The following JAZF1 variants were observed in gnomAD, a reference collection of about 807,000 sequenced individuals.
JAZF1 encodes the protein juxtaposed with another zinc finger protein 1.
JAZF1 carries 8 observed loss-of-function variants against 26.4 expected under a neutral mutation model. The ratio of observed to expected loss-of-function variants is 0.30; its 90% CI spans 0.18 to 0.55. JAZF1 has a LOEUF of 0.55. Ranked by LOEUF, JAZF1 falls within the 20% of genes least tolerant of loss-of-function variation. The probability of loss-of-function intolerance (pLI) is 0.94; values close to 1 mark genes in which losing one functional copy is unlikely to be tolerated. For synonymous variants in JAZF1, 126 were observed against 122.3 expected (o/e 1.03, Z -0.20); for missense variants, 199 against 322.0 (o/e 0.62, Z 2.92).
At chr7:27,858,390 T>C (rs1783310559) in intron 3 of JAZF1, among the ~76,000 whole-genome samples, 1 of 152,170 alleles carries the variant, frequency 6.6e-6, no homozygotes, top group Non-Finnish European at 1.5e-5. Context: ...ACTTTAAATT[T>C]CATATGGAAC....
At chr7:27,855,811 T>G (rs920934602) in intron 3 of JAZF1, among the ~76,000 whole-genome samples, 2 of 152,182 alleles carry the variant, frequency 1.3e-5, no homozygotes, top group Non-Finnish European at 2.9e-5. Flanking sequence ...CCATTCCTTC[T>G]GAAATGATTC....
At chr7:27,987,603 G>A (rs548200370) in intron 2 of JAZF1, among the ~76,000 whole-genome samples, 5 of 151,730 alleles carry the variant, frequency 3.3e-5, no homozygotes, top group South Asian at 2.1e-4. Flanking sequence ...CGCCCCGTCC[G>A]GGAGGGAGAT....
intron 2 of JAZF1, among the ~76,000 whole-genome samples, chr7:27,982,159 C>A (rs1476587797): frequency 2.6e-5 from 4 of 152,226 alleles, no homozygotes; most frequent in Non-Finnish European, 5.9e-5. Flanking sequence ...GGCATCACCG[C>A]ACCCAGGAAG....
chr7:27,913,373 A>G, intron 2 of JAZF1: 1 of 459,486 alleles, frequency 2.2e-6, no homozygotes, highest in Non-Finnish European at 4.5e-6. Context: ...AAAACAACAA[A>G]AGAACCAGAA....
At chr7:28,129,894 G>A (rs138214084) in intron 1 of JAZF1, among the ~76,000 whole-genome samples, 2 of 152,124 alleles carry the variant, frequency 1.3e-5, no homozygotes, top group African/African-American at 4.8e-5. Context: ...TGCAGTTACT[G>A]TGTTATGTGT....
At chr7:28,179,969 G>T (rs866696123) in intron 1 of JAZF1, among the ~76,000 whole-genome samples, 1 of 115,980 alleles carries the variant, frequency 8.6e-6, no homozygotes, top group African/African-American at 3.2e-5. Flanking sequence ...CTGACAGCTC[G>T]AGCCGGGGCG....
chr7:28,013,182 G>C (rs1320249355), intron 1 of JAZF1, among the ~76,000 whole-genome samples: 1 of 152,166 alleles, frequency 6.6e-6, no homozygotes, highest in Non-Finnish European at 1.5e-5. Flanking sequence ...ACTCTCATGT[G>C]CAGTCAGGGC....
chr7:27,994,547 A>G (rs1220853136), intron 1 of JAZF1, among the ~76,000 whole-genome samples: 1 of 152,174 alleles, frequency 6.6e-6, no homozygotes. Flanking sequence ...CTGGTAACCA[A>G]CAAGACAGCA....
chr7:28,015,883 C>T (rs949456462), intron 1 of JAZF1, among the ~76,000 whole-genome samples: 2 of 152,154 alleles, frequency 1.3e-5, no homozygotes, highest in African/African-American at 4.8e-5. Flanking sequence ...TGGAGATGCT[C>T]TAGGTCCCCC....
At chr7:28,168,742 T>A (rs1468878310) in intron 1 of JAZF1, among the ~76,000 whole-genome samples, 2 of 152,164 alleles carry the variant, frequency 1.3e-5, no homozygotes, top group Non-Finnish European at 2.9e-5. Context: ...CTGCCTCCAG[T>A]AAAACTAAAA....
chr7:27,907,733 T>C (rs1784287571), intron 2 of JAZF1, among the ~76,000 whole-genome samples: 1 of 152,160 alleles, frequency 6.6e-6, no homozygotes, highest in Non-Finnish European at 1.5e-5. Flanking sequence ...AGATTCTCAA[T>C]GTGAGAGGAG....
intron 2 of JAZF1, among the ~76,000 whole-genome samples, chr7:27,933,215 A>G (rs992688700): frequency 2.6e-5 from 4 of 152,264 alleles, no homozygotes; most frequent in East Asian, 1.9e-4. Context: ...CATTCAATCT[A>G]TATTCTAAAT....
chr7:27,858,323 T>C (rs531476013), intron 3 of JAZF1, among the ~76,000 whole-genome samples: 3 of 152,318 alleles, frequency 2.0e-5, no homozygotes, highest in Admixed American at 6.5e-5. Context: ...AATTTACAGA[T>C]TCAATGCTAT....
chr7:28,003,505 A>C (rs1782642190), intron 1 of JAZF1, among the ~76,000 whole-genome samples: 1 of 152,236 alleles, frequency 6.6e-6, no homozygotes, highest in Admixed American at 6.5e-5. Context: ...GTAACCTTTG[A>C]AGCTGTCAGG....
chr7:28,040,348 A>G (rs774806115), intron 1 of JAZF1, among the ~76,000 whole-genome samples: 3 of 152,210 alleles, frequency 2.0e-5, no homozygotes, highest in Non-Finnish European at 4.4e-5. Flanking sequence ...TGCAGTTTAC[A>G]ATCTAGATGG....
chr7:27,928,890 C>T (rs1285717413), intron 2 of JAZF1, among the ~76,000 whole-genome samples: 1 of 152,152 alleles, frequency 6.6e-6, no homozygotes, highest in Non-Finnish European at 1.5e-5. Context: ...ACCCCCATGA[C>T]ACTTTACCTA....
chr7:27,926,237 A>T (rs1057415372), intron 2 of JAZF1, among the ~76,000 whole-genome samples: 18 of 152,330 alleles, frequency 1.2e-4, no homozygotes, highest in African/African-American at 4.3e-4. Context: ...TATGAAACAA[A>T]GCTGTGAAGA....
intron 2 of JAZF1, among the ~76,000 whole-genome samples, chr7:27,980,243 T>G (rs1291458866): frequency 6.6e-6 from 1 of 152,134 alleles, no homozygotes; most frequent in Non-Finnish European, 1.5e-5. Flanking sequence ...TCATTCTCAT[T>G]TTTTCACAGG....
chr7:28,021,439 T>C (rs902037808), intron 1 of JAZF1, among the ~76,000 whole-genome samples: 5 of 152,122 alleles, frequency 3.3e-5, no homozygotes, highest in African/African-American at 1.2e-4. Flanking sequence ...GACTTAATGA[T>C]GGAGTTGTGA....
Sources: allele counts gnomAD v4.1 joint callset (sites outside exome capture counted in the v4.1 genomes callset), GRCh38; gene constraint gnomAD v4.1.1; transcripts MANE v1.5; gene names NCBI Gene and HGNC (gene_info 2026-07-23, HGNC 2026-07-21).